Variants in BOC observed in about 807,000 individuals in gnomAD.
The protein encoded by BOC is brother of CDO.
Under a neutral mutation model 112.0 loss-of-function variants are expected in BOC, and 76 were observed. The observed-to-expected ratio is 0.68, with a 90% CI of 0.56 to 0.82. The LOEUF is 0.82. Among genes scored for constraint, BOC ranks in the 40% least tolerant of loss-of-function variants. The pLI is 0.00. For synonymous variants in BOC, 580 were observed against 599.8 expected (o/e 0.97, Z 0.48); for missense variants, 1,309 against 1,511.7 (o/e 0.87, Z 2.22).
In BOC at chr3:113,234,210, T is replaced by C. The variant is rs146509938; in HGVS notation, c.-81-15512T>C. Among the ~76,000 whole-genome samples, 299 of 152,322 alleles carry C rather than the reference T, an allele frequency of 2.0e-3. 2 individuals carry two copies. Among genetic ancestry groups the C allele is most frequent in the African/African-American group, 7.0e-3 (289 of 41,574 alleles). On this transcript the variant is annotated intron_variant, in intron 2 of 19. Coordinates refer to ENST00000682979, the MANE Select transcript of BOC (RefSeq NM_001378074.1). ...TTCTGTTAGCTCTAGGGCTTTTTCCTGCCTTAACTGACAGACTTTGACAAA... is the reference window on the plus strand; with the variant it reads ...TTCTGTTAGCTCTAGGGCTTTTTCCCGCCTTAACTGACAGACTTTGACAAA...
At chr3:113,241,145 G>A (rs938221715) in intron 2 of BOC, among the ~76,000 whole-genome samples, 16 of 152,220 alleles carry the variant, frequency 1.1e-4, no homozygotes, top group Non-Finnish European at 2.1e-4. Context: ...TGATACCCCA[G>A]GAAGGTAGAT....
upstream of BOC, chr3:113,211,147 A>G (rs1938094725): frequency 6.6e-6 from 1 of 152,254 alleles, no homozygotes; most frequent in Non-Finnish European, 1.5e-5. Flanking sequence ...GAAGAAGAAG[A>G]CCATTGAGAG....
At chr3:113,219,352 A>G (rs562247352) in intron 2 of BOC, among the ~76,000 whole-genome samples, 1 of 152,244 alleles carries the variant, frequency 6.6e-6, no homozygotes, top group Non-Finnish European at 1.5e-5. Flanking sequence ...CTGCCATTTA[A>G]TGAGCACCTA....
chr3:113,227,538 G>A (rs1941863608), intron 2 of BOC, among the ~76,000 whole-genome samples: 1 of 152,170 alleles, frequency 6.6e-6, no homozygotes, highest in South Asian at 2.1e-4. Context: ...CAGGAGTAGG[G>A]CTCCCTCTTT....
intron 4 of BOC, among the ~76,000 whole-genome samples, chr3:113,263,497 T>C (rs1947122108): frequency 6.6e-6 from 1 of 152,208 alleles, no homozygotes. Context: ...CGAACTTCAA[T>C]TTGCAGCTTA....
intron 2 of BOC, among the ~76,000 whole-genome samples, chr3:113,230,012 A>G (rs1374863339): frequency 6.6e-6 from 1 of 152,232 alleles, no homozygotes; most frequent in African/African-American, 2.4e-5. Context: ...AGGCATTGTT[A>G]TATTTTAAAG....
chr3:113,225,883 A>AT (rs761079615), intron 2 of BOC, among the ~76,000 whole-genome samples: 13 of 152,226 alleles, frequency 8.5e-5, no homozygotes, highest in Non-Finnish European at 1.9e-4. Context: ...GGCAGATGAT[A>AT]AAGAACTACT....
intron 19 of BOC, 100 bp from the exon 20 acceptor site, chr3:113,286,575 G>A (rs1949718941): frequency 8.9e-7 from 1 of 1,119,736 alleles, no homozygotes; most frequent in Non-Finnish European, 1.2e-6. Context: ...CAGAGCCAGT[G>A]TAACCACCTC....
rs764222947 is a variant in BOC, at chr3:113,286,894, T to C, written c.*32T>C. On this transcript the variant is annotated 3_prime_UTR_variant, in exon 20 of 20. Transcript: ENST00000682979. ...GCTGATATCCCAGAAAGACTATATA[T>C]TGTTTTTTTTTTAAAAAAAAAAAGA... The C allele has an allele frequency of 6.7e-7, 1 of 1,495,298 alleles. No homozygotes were observed. The highest frequency in any genetic ancestry group is 1.3e-5 in the South Asian group (1 of 75,284). The allele number at this position is 1,495,298 out of a possible 1,614,324, so 92.6% of individuals were successfully genotyped here.
intron 18 of BOC, among the ~76,000 whole-genome samples, chr3:113,285,157 A>C (rs150726678): frequency 3.2e-4 from 49 of 152,376 alleles, no homozygotes; most frequent in African/African-American, 1.2e-3. Flanking sequence ...CTGACTTCAC[A>C]TTCTCCCACA....
Position 113,230,333 on chromosome 3 carries a change from C to T in BOC, c.-82+14059C>T, listed in dbSNP as rs758176855. 4.7e-4 allele frequency among the ~76,000 whole-genome samples: 71 copies of T among 152,184 alleles called. 2 individuals are homozygous for T. Among genetic ancestry groups the T allele is most frequent in the Non-Finnish European group, 1.3e-4 (9 of 68,030 alleles). The stretch of plus-strand genomic sequence containing the variant: ...TGAGAATCTGCCAAACCAATCCATC[C>T]TGAAACATGGTGGCTAGTGCATGAT... On this transcript the variant is annotated intron_variant, in intron 2 of 19. Coordinates refer to ENST00000682979, the MANE Select transcript of BOC (RefSeq NM_001378074.1).
rs1327818449 is a variant in BOC, at chr3:113,279,846, C to T, written c.2046C>T (p.Val682=). ...LEKGTSYKFR[V]RALNMLGESE... ...CAGGCACCTCCTACAAGTTTCGAGTCCGGGCTCTGAACATGCTGGGGGAGA... is the reference window on the plus strand; with the variant it reads ...CAGGCACCTCCTACAAGTTTCGAGTTCGGGCTCTGAACATGCTGGGGGAGA... The change falls in exon 13 of 20, where the codon GTC becomes GTT. Residue 682 remains valine, a synonymous_variant. Coordinates refer to ENST00000682979, the MANE Select transcript of BOC (RefSeq NM_001378074.1). The T allele has an allele frequency of 1.9e-6, 3 of 1,610,062 alleles. No homozygotes were observed. The highest frequency in any genetic ancestry group is 2.7e-5 in the African/African-American group (2 of 74,782).
intron 18 of BOC, 57 bp from the exon 19 acceptor site, chr3:113,285,315 G>A (rs974824349): frequency 1.3e-4 from 201 of 1,557,008 alleles, no homozygotes; most frequent in Non-Finnish European, 1.5e-4. Context: ...CAGGGGGATG[G>A]GGCGACAGGC....
chr3:113,224,737 C>A (rs1172669315), intron 2 of BOC, among the ~76,000 whole-genome samples: 1 of 152,060 alleles, frequency 6.6e-6, no homozygotes, highest in African/African-American at 2.4e-5. Context: ...GGCAGGCAGA[C>A]CTCTTGAGGC....
intron 19 of BOC, among the ~76,000 whole-genome samples, chr3:113,286,237 A>T (rs905110169): frequency 1.3e-5 from 2 of 152,018 alleles, no homozygotes; most frequent in Non-Finnish European, 2.9e-5. Flanking sequence ...TTAAATTTAA[A>T]AGATGCTGGG....
rs536540046 is a variant in BOC at position 113,250,797 on chromosome 3, G to A, written c.340G>A (p.Ala114Thr). ...YQCVARMPAG[A>T]VASVPATVTL... Reference sequence around the variant, plus strand: ...GTGTGTGGCCCGGATGCCTGCGGGGGCTGTGGCCAGCGTGCCAGCCACTGT... The same window carrying A: ...GTGTGTGGCCCGGATGCCTGCGGGGACTGTGGCCAGCGTGCCAGCCACTGT... The change falls in exon 4 of 20, where the codon GCT becomes ACT. Residue 114 changes from alanine (A) to threonine (T), a missense_variant. Transcript: ENST00000682979. 1.2e-6 allele frequency: 2 copies of A among 1,613,858 alleles called. 1 individual carries two copies. Among genetic ancestry groups the A allele is most frequent in the South Asian group, 2.2e-5 (2 of 91,076 alleles).
rs764634173 is a variant in BOC at position 113,249,809 on chromosome 3, C to T, written c.7C>T (p.Arg3Cys). The change falls in exon 3 of 20, where the codon CGT becomes TGT. Residue 3 changes from arginine to cysteine, a missense_variant. Arg to Cys is a radical substitution (Grantham distance 180, BLOSUM62 -3). Transcript: ENST00000682979. Reference sequence around the variant, plus strand: ...CAGACCTTTGTGATACACCATGCTGCGTGGGACGATGACGGCGTGGAGAGG... The same window carrying T: ...CAGACCTTTGTGATACACCATGCTGTGTGGGACGATGACGGCGTGGAGAGG... MLRGTMTAWRGMR... is the reference protein window; with the variant it reads MLCGTMTAWRGMR... The T allele has an allele frequency of 5.0e-6, 8 of 1,612,378 alleles. No homozygotes were observed. The highest frequency in any genetic ancestry group is 3.4e-5 in the Admixed American group (2 of 59,520).
At chr3:113,248,382 A>G (rs1945197299) in intron 2 of BOC, among the ~76,000 whole-genome samples, 1 of 152,214 alleles carries the variant, frequency 6.6e-6, no homozygotes, top group African/African-American at 2.4e-5. Flanking sequence ...ACTACTTCTG[A>G]GTTTTAAATG....
intron 4 of BOC, among the ~76,000 whole-genome samples, chr3:113,254,696 G>A (rs1181179104): frequency 3.9e-5 from 6 of 152,212 alleles, no homozygotes; most frequent in South Asian, 2.1e-4. Context: ...TCTTCTCCAC[G>A]CTGTCCCATG....
Sources: gnomAD v4.1 joint callset for allele counts (sites outside exome capture counted in the v4.1 genomes callset) on GRCh38, gnomAD v4.1.1 for gene constraint, MANE v1.5 for transcripts, NCBI Gene and HGNC (gene_info 2026-07-23, HGNC 2026-07-21) for gene names.